Variants in FOXP1 observed in about 807,000 individuals in gnomAD.
FOXP1 encodes forkhead box P1.
FOXP1 carries 15 observed loss-of-function variants against 98.2 expected under a neutral mutation model. That is an observed-to-expected ratio of 0.15 (90% CI 0.10 to 0.24). FOXP1 has a LOEUF of 0.24. Among genes scored for constraint, FOXP1 ranks in the 10% least tolerant of loss-of-function variants. FOXP1 has a pLI of 1.00. For missense variants in FOXP1, 633 were observed against 848.5 expected, an observed-to-expected ratio of 0.75 and a Z score of 3.15; for synonymous variants, 371 against 314.5, an observed-to-expected ratio of 1.18 and a Z score of -1.90.
At chr3:71,339,406 C>T (rs1370022442) in intron 4 of FOXP1, among the ~76,000 whole-genome samples, 1 of 152,220 alleles carries the variant, frequency 6.6e-6, no homozygotes, top group Non-Finnish European at 1.5e-5. Context: ...ATCATTCCCA[C>T]ACTCAGATTA....
At chr3:70,997,103 G>C (rs2041479028) in intron 13 of FOXP1, among the ~76,000 whole-genome samples, 1 of 152,222 alleles carries the variant, frequency 6.6e-6, no homozygotes, top group Non-Finnish European at 1.5e-5. Context: ...CTTTGGGTCA[G>C]TAATGTGCAG....
At chr3:71,040,273 T>G (rs556829165) in intron 11 of FOXP1, 1 of 152,286 alleles carries the variant, frequency 6.6e-6, no homozygotes, top group East Asian at 1.9e-4. Flanking sequence ...AAATATATAA[T>G]TAAATGTTTT....
At chr3:71,411,480 G>A (rs1010298551) in intron 3 of FOXP1, among the ~76,000 whole-genome samples, 14 of 152,096 alleles carry the variant, frequency 9.2e-5, no homozygotes, top group African/African-American at 3.4e-4. Context: ...CCGCCACCAT[G>A]CCCGGCTAAT....
intron 5 of FOXP1, among the ~76,000 whole-genome samples, chr3:71,260,020 C>CT (rs1309270746): frequency 6.6e-6 from 1 of 152,188 alleles, no homozygotes; most frequent in Non-Finnish European, 1.5e-5. Context: ...GTCTCGCTCT[C>CT]TCCCCCAGGC....
At chr3:71,063,954 A>G (rs2051931939) in intron 7 of FOXP1, among the ~76,000 whole-genome samples, 1 of 152,144 alleles carries the variant, frequency 6.6e-6, no homozygotes, top group Non-Finnish European at 1.5e-5. Context: ...GAGGGGTAAA[A>G]AGTCCCGTTT....
At chr3:71,576,087 TC>T (rs1239211654) in intron 2 of FOXP1, among the ~76,000 whole-genome samples, 1 of 152,196 alleles carries the variant, frequency 6.6e-6, no homozygotes, top group Non-Finnish European at 1.5e-5. Flanking sequence ...GGCCCAATAA[TC>T]CCACATTCAG....
chr3:71,112,244 A>C (rs1300771854), intron 7 of FOXP1, among the ~76,000 whole-genome samples: 5 of 152,184 alleles, frequency 3.3e-5, no homozygotes, highest in Non-Finnish European at 7.3e-5. Context: ...AATTCTGAGT[A>C]CTATGAACTT....
intron 4 of FOXP1, among the ~76,000 whole-genome samples, chr3:71,339,767 T>C (rs780100623): frequency 1.3e-5 from 2 of 152,138 alleles, no homozygotes; most frequent in African/African-American, 2.4e-5. Context: ...GGTAGCACAT[T>C]GAAACAAAAT....
chr3:71,359,522 T>G (rs971638132), intron 3 of FOXP1, among the ~76,000 whole-genome samples: 1 of 152,172 alleles, frequency 6.6e-6, no homozygotes, highest in African/African-American at 2.4e-5. Flanking sequence ...GAAGTTAAGT[T>G]CCTTTATCTT....
intron 11 of FOXP1, among the ~76,000 whole-genome samples, chr3:71,026,707 C>A (rs891618211): frequency 6.6e-6 from 1 of 152,098 alleles, no homozygotes; most frequent in East Asian, 1.9e-4. Flanking sequence ...AACCATGTCA[C>A]CAATCTCCCC....
intron 6 of FOXP1, among the ~76,000 whole-genome samples, chr3:71,142,927 G>A (rs1202759976): frequency 1.3e-5 from 2 of 152,154 alleles, no homozygotes; most frequent in Non-Finnish European, 2.9e-5. Context: ...TCAGATGGGA[G>A]GGAGGTGGGA....
intron 7 of FOXP1, among the ~76,000 whole-genome samples, chr3:71,089,208 T>C (rs536649580): frequency 6.6e-6 from 1 of 152,172 alleles, no homozygotes; most frequent in East Asian, 1.9e-4. Flanking sequence ...ATGGCAGAAG[T>C]AATGGTATGT....
At chr3:71,329,166 T>C (rs1424747836) in intron 4 of FOXP1, among the ~76,000 whole-genome samples, 1 of 152,112 alleles carries the variant, frequency 6.6e-6, no homozygotes, top group South Asian at 2.1e-4. Context: ...ATAGGTGGAA[T>C]GAATGATCCC....
chr3:71,464,802 T>C (rs2088522952), intron 3 of FOXP1, among the ~76,000 whole-genome samples: 1 of 152,072 alleles, frequency 6.6e-6, no homozygotes, highest in Non-Finnish European at 1.5e-5. Context: ...AGGACTGACT[T>C]TGTGGCAAGC....
chr3:71,277,159 C>T (rs2070996678), intron 5 of FOXP1, among the ~76,000 whole-genome samples: 1 of 151,752 alleles, frequency 6.6e-6, no homozygotes, highest in Non-Finnish European at 1.5e-5. Flanking sequence ...GGGGTTTCAC[C>T]ATGTTAGCCA....
intron 4 of FOXP1, chr3:71,333,692 GTGCGTGCCTGTGATCCCAGCT>G (rs1413572660): frequency 6.6e-6 from 1 of 152,092 alleles, no homozygotes; most frequent in Non-Finnish European, 1.5e-5. Context: ...GGGTGTGGTG[GTGCGTGCCTGTGATCCCAGCT>G]ATTTAGGAGG....
At chr3:71,385,859 T>C (rs1293027743) in intron 3 of FOXP1, among the ~76,000 whole-genome samples, 1 of 152,220 alleles carries the variant, frequency 6.6e-6, no homozygotes, top group Non-Finnish European at 1.5e-5. Context: ...TACTGGCTTC[T>C]GTGGCTTCAG....
intron 2 of FOXP1, among the ~76,000 whole-genome samples, chr3:71,513,306 C>T (rs1055880212): frequency 1.3e-5 from 2 of 152,198 alleles, no homozygotes; most frequent in Non-Finnish European, 2.9e-5. Context: ...ATATCCTTCT[C>T]ATCACACTCA....
Position 71,112,555 on chromosome 3 carries a change from T to C in FOXP1, c.263A>G (p.Asp88Gly). ...VSGLKSPKRN[D>G]KQPALQVPVS... is the part of the protein sequence containing the mutation. ...TGTTACCTGAAGAGCTGGTTGTTTG[T>C]CATTCCTCTTGGGAGATTTTAATCC... Residue 88 changes from aspartate (D) to glycine (G), a missense_variant, in exon 7 of 21, where the codon GAC becomes GGC. Coordinates refer to ENST00000649528, the MANE Select transcript of FOXP1 (RefSeq NM_001349338.3). The C allele has an allele frequency of 6.2e-7, 1 of 1,613,782 alleles. No individual in the cohort carries two copies. The highest frequency in any genetic ancestry group is 8.5e-7 in the Non-Finnish European group (1 of 1,179,664).
Sources: gnomAD v4.1 joint callset for allele counts (sites outside exome capture counted in the v4.1 genomes callset) on GRCh38, gnomAD v4.1.1 for gene constraint, MANE v1.5 for transcripts, NCBI Gene and HGNC (gene_info 2026-07-23, HGNC 2026-07-21) for gene names.